TMEM131L: variants seen among roughly 807,000 people sequenced by gnomAD.
The protein encoded by TMEM131L is transmembrane 131 like, also known as transmembrane protein 131-like.
A neutral mutation model predicts 192.2 loss-of-function variants in TMEM131L; 54 were observed. The observed-to-expected ratio is 0.28, with a 90% CI of 0.23 to 0.35. TMEM131L has a LOEUF of 0.35. Among genes scored for constraint, TMEM131L ranks in the 10% least tolerant of loss-of-function variants. The probability of loss-of-function intolerance (pLI) is 1.00; values close to 1 mark genes in which losing one functional copy is unlikely to be tolerated. For synonymous variants in TMEM131L, 701 were observed against 704.9 expected (o/e 0.99, Z 0.09); for missense variants, 1,888 against 1,972.9 (o/e 0.96, Z 0.82).
intron 3 of TMEM131L, among the ~76,000 whole-genome samples, chr4:153,497,899 A>G (rs1454947569): frequency 1.4e-5 from 2 of 145,010 alleles, no homozygotes; most frequent in African/African-American, 2.6e-5. Flanking sequence ...AAAAAAAAAA[A>G]GAAAAGTTGA....
rs1729875822 is a variant in TMEM131L at position 153,575,547 on chromosome 4, C to G, written c.661-5279C>G. Among the ~76,000 whole-genome samples, 3 of 151,924 alleles carry G rather than the reference C, an allele frequency of 2.0e-5. No individual in the cohort carries two copies. The South Asian group carries it at 6.2e-4, about 32-fold the overall frequency. On this transcript the variant is annotated intron_variant, in intron 7 of 34. Coordinates refer to ENST00000409959, the MANE Select transcript of TMEM131L (RefSeq NM_001131007.2). ...TTTTTTCTGTTTTTCTACTACCTAG[C>G]CCCAAGATCTTTGATAAGTCTCTTA...
chr4:153,490,589 A>G (rs1732697908), intron 3 of TMEM131L, among the ~76,000 whole-genome samples: 1 of 152,174 alleles, frequency 6.6e-6, no homozygotes, highest in Non-Finnish European at 1.5e-5. Flanking sequence ...GGGTAAACAT[A>G]AAGTTATTGT....
intron 31 of TMEM131L, among the ~76,000 whole-genome samples, chr4:153,629,503 A>G (rs987949809): frequency 6.6e-6 from 1 of 152,152 alleles, no homozygotes; most frequent in Non-Finnish European, 1.5e-5. Flanking sequence ...AAATTCAACA[A>G]TAGCCAAAGC....
At position 153,486,173 on chromosome 4, in the gene TMEM131L, C is replaced by T. The variant is rs28483542; in HGVS notation, c.239+12285C>T. Reference sequence around the variant, plus strand: ...TCCCTGAAAAAAAAAGAGCATGACTCGTGTAAGATAGACCCAGGGTTGGTC... The same window carrying T: ...TCCCTGAAAAAAAAAGAGCATGACTTGTGTAAGATAGACCCAGGGTTGGTC... On this transcript the variant is annotated intron_variant, in intron 3 of 34. Transcript: ENST00000409959. Among the ~76,000 whole-genome samples the T allele has an allele frequency of 5.3e-3, 813 of 152,258 alleles. 6 individuals carry two copies. Among genetic ancestry groups the T allele is most frequent in the African/African-American group, 0.019 (778 of 41,534 alleles).
At chr4:153,473,671 AGTCCCAGCTACTTGG>A (rs1241870110) in intron 2 of TMEM131L, among the ~76,000 whole-genome samples, 159 bp from the exon 3 acceptor site, 1 of 152,218 alleles carries the variant, frequency 6.6e-6, no homozygotes, top group African/African-American at 2.4e-5. Flanking sequence ...ATGTGCCTAT[AGTCCCAGCTACTTGG>A]GAGGCTGAGG....
intron 19 of TMEM131L, 149 bp downstream of exon 19, chr4:153,594,020 G>C: frequency 1.6e-6 from 1 of 616,198 alleles, no homozygotes. Flanking sequence ...ATACATAGCA[G>C]ATTTTTCCAG....
At chr4:153,500,570 C>T (rs1733530596) in intron 3 of TMEM131L, among the ~76,000 whole-genome samples, 1 of 152,168 alleles carries the variant, frequency 6.6e-6, no homozygotes, top group East Asian at 1.9e-4. Context: ...TGTCTTTCTA[C>T]TTGGATCGTG....
intron 3 of TMEM131L, among the ~76,000 whole-genome samples, chr4:153,513,036 C>CT (rs1734467787): frequency 6.6e-6 from 1 of 152,136 alleles, no homozygotes; most frequent in African/African-American, 2.4e-5. Context: ...TATTAATTTT[C>CT]TTTTTTCATC....
chr4:153,507,161 C>G (rs937900325), intron 3 of TMEM131L, among the ~76,000 whole-genome samples: 1 of 152,184 alleles, frequency 6.6e-6, no homozygotes, highest in Non-Finnish European at 1.5e-5. Context: ...CCACGGGAAG[C>G]TTTGGAGTGT....
intron 26 of TMEM131L, among the ~76,000 whole-genome samples, chr4:153,615,987 T>A (rs1732947724): frequency 6.6e-6 from 1 of 152,212 alleles, no homozygotes; most frequent in Non-Finnish European, 1.5e-5. Flanking sequence ...TCTTTACCAT[T>A]AGATCCCTGA....
At chr4:153,603,745 C>T in intron 24 of TMEM131L, 57 bp from the exon 25 acceptor site, 5 of 1,505,616 alleles carry the variant, frequency 3.3e-6, no homozygotes, top group Non-Finnish European at 3.6e-6. Context: ...TGGAAGCAGA[C>T]AAGTAGAGTT....
At chr4:153,487,581 G>A (rs1456642117) in intron 3 of TMEM131L, among the ~76,000 whole-genome samples, 1 of 152,138 alleles carries the variant, frequency 6.6e-6, no homozygotes, top group East Asian at 1.9e-4. Flanking sequence ...AGAAAACCTT[G>A]GCCCAGTAAC....
Position 153,585,623 on chromosome 4 carries a change from A to AT in TMEM131L, c.1311+18dup, listed in dbSNP as rs778288909. The AT allele has an allele frequency of 5.1e-6, 8 of 1,561,568 alleles. No individual in the cohort carries two copies. In the African/African-American group the frequency reaches 6.8e-5, roughly 13 times the overall value. On this transcript the variant is annotated intron_variant, in intron 13 of 34. Coordinates refer to ENST00000409959, the MANE Select transcript of TMEM131L (RefSeq NM_001131007.2). ...AGCACATGTTAAAGGTACATATAGT[A>AT]TTTTTTCCCCAAGTTTTAGCTTATT...
intron 3 of TMEM131L, among the ~76,000 whole-genome samples, chr4:153,504,262 CG>C (rs1733819500): frequency 1.1e-5 from 1 of 94,316 alleles, no homozygotes; most frequent in East Asian, 3.7e-4. Context: ...CCACCGCGGT[CG>C]GCCTTTTTTT....
chr4:153,585,701 A>C (rs1395443838), intron 13 of TMEM131L, 90 bp downstream of exon 13: 4 of 765,656 alleles, frequency 5.2e-6, no homozygotes, highest in Non-Finnish European at 7.5e-6. Flanking sequence ...AAAATAATAA[A>C]AAATATTCCA....
intron 2 of TMEM131L, among the ~76,000 whole-genome samples, chr4:153,472,790 AC>A (rs367626898): frequency 1.6e-4 from 25 of 152,296 alleles, no homozygotes; most frequent in African/African-American, 5.8e-4. Flanking sequence ...GCCCTGAGGC[AC>A]TTCCCAAGAG....
At chr4:153,547,971 A>G (rs1458138642) in intron 3 of TMEM131L, among the ~76,000 whole-genome samples, 2 of 152,190 alleles carry the variant, frequency 1.3e-5, no homozygotes, top group Non-Finnish European at 2.9e-5. Flanking sequence ...TATGCTATGC[A>G]GTAGCCTGAC....
chr4:153,509,709 T>A (rs1290214199), intron 3 of TMEM131L, among the ~76,000 whole-genome samples: 4 of 152,166 alleles, frequency 2.6e-5, no homozygotes, highest in Non-Finnish European at 5.9e-5. Flanking sequence ...AGAGCGAGAC[T>A]CTGTCTCCAA....
chr4:153,528,325 T>G (rs1735647962), intron 3 of TMEM131L, among the ~76,000 whole-genome samples: 1 of 152,234 alleles, frequency 6.6e-6, no homozygotes, highest in African/African-American at 2.4e-5. Context: ...TGATAAAACA[T>G]AAGTTTTGTA....
Sources: gnomAD v4.1 joint callset for allele counts (sites outside exome capture counted in the v4.1 genomes callset) on GRCh38, gnomAD v4.1.1 for gene constraint, MANE v1.5 for transcripts, NCBI Gene and HGNC (gene_info 2026-07-23, HGNC 2026-07-21) for gene names.